Variants in DPP6 observed in about 807,000 individuals in gnomAD.
DPP6 encodes A-type potassium channel modulatory protein DPP6.
Under a neutral mutation model 122.6 loss-of-function variants are expected in DPP6, and 69 were observed. The ratio of observed to expected loss-of-function variants is 0.56; its 90% CI spans 0.46 to 0.69. The LOEUF (loss-of-function observed/expected upper bound fraction) is 0.69. DPP6 is among the 30% of genes least tolerant of loss of function. DPP6 has a pLI of 0.00. For synonymous variants in DPP6, 418 were observed against 433.1 expected (o/e 0.97, Z 0.43); for missense variants, 928 against 1,116.9 (o/e 0.83, Z 2.41).
intron 1 of DPP6, among the ~76,000 whole-genome samples, chr7:154,262,412 GA>G (rs1440734401): frequency 6.6e-6 from 1 of 152,156 alleles, no homozygotes; most frequent in Non-Finnish European, 1.5e-5. Flanking sequence ...GACCCACAGT[GA>G]GACACCAGGA....
chr7:154,440,504 C>T (rs1232619502), intron 1 of DPP6, among the ~76,000 whole-genome samples: 3 of 152,128 alleles, frequency 2.0e-5, no homozygotes, highest in Non-Finnish European at 4.4e-5. Flanking sequence ...GACTGGCTTG[C>T]GTTTCCACCT....
intron 1 of DPP6, chr7:154,094,160 C>T (rs1171874061): frequency 6.6e-6 from 1 of 152,140 alleles, no homozygotes; most frequent in Non-Finnish European, 1.5e-5. Context: ...GAGGAATGGG[C>T]CATTTGCTTC....
At chr7:154,684,293 T>C (rs897039464) in intron 7 of DPP6, among the ~76,000 whole-genome samples, 1 of 152,066 alleles carries the variant, frequency 6.6e-6, no homozygotes, top group Non-Finnish European at 1.5e-5. Flanking sequence ...CATCACTCTC[T>C]GCTTTTGTGA....
chr7:153,762,695 G>A, the DPP6 span, among the ~76,000 whole-genome samples: 6 of 152,150 alleles, frequency 3.9e-5, no homozygotes, highest in East Asian at 1.9e-4. Context: ...CAAGGGAATC[G>A]CTTGACCCCG....
chr7:154,240,103 C>A (rs926119681), intron 1 of DPP6, among the ~76,000 whole-genome samples: 1 of 143,774 alleles, frequency 7.0e-6, no homozygotes, highest in East Asian at 2.2e-4. Context: ...TTGCATTGTT[C>A]AAGAACTAAT....
chr7:153,802,462 C>T, the DPP6 span, among the ~76,000 whole-genome samples: 1 of 151,950 alleles, frequency 6.6e-6, no homozygotes, highest in Non-Finnish European at 1.5e-5. Flanking sequence ...GTCTGTATTC[C>T]AGAAATTTGA....
chr7:154,636,711 A>G (rs1835748061), intron 5 of DPP6, among the ~76,000 whole-genome samples: 1 of 152,144 alleles, frequency 6.6e-6, no homozygotes, highest in South Asian at 2.1e-4. Flanking sequence ...GATTTTCGAG[A>G]AGTTAATTCA....
chr7:154,248,163 C>T (rs1415589797), intron 1 of DPP6, among the ~76,000 whole-genome samples: 3 of 152,088 alleles, frequency 2.0e-5, no homozygotes, highest in Admixed American at 1.3e-4. Context: ...AAAGGCTCCC[C>T]CTCCTTGATC....
At chr7:154,032,307 G>A (rs949288238) in intron 1 of DPP6, among the ~76,000 whole-genome samples, 15 of 152,302 alleles carry the variant, frequency 9.8e-5, no homozygotes, top group African/African-American at 2.9e-4. Flanking sequence ...CTGAAGCACC[G>A]AGTGTTGCTG....
At chr7:154,394,626 G>A (rs899387739) in intron 1 of DPP6, among the ~76,000 whole-genome samples, 34 of 152,062 alleles carry the variant, frequency 2.2e-4, no homozygotes, top group African/African-American at 6.0e-4. Flanking sequence ...GGTTGCCTAT[G>A]CCTTTGGTGA....
At chr7:154,816,066 G>T (rs544339872) in intron 16 of DPP6, among the ~76,000 whole-genome samples, 10 of 152,254 alleles carry the variant, frequency 6.6e-5, no homozygotes, top group Non-Finnish European at 1.2e-4. Context: ...GTATGGAACC[G>T]TAGAGCTGGG....
intron 1 of DPP6, among the ~76,000 whole-genome samples, chr7:154,273,907 A>G (rs1387350856): frequency 6.6e-6 from 1 of 152,218 alleles, no homozygotes; most frequent in Non-Finnish European, 1.5e-5. Flanking sequence ...AGACAGGTGC[A>G]GAGTGTGAAA....
chr7:153,796,859 G>A, the DPP6 span, among the ~76,000 whole-genome samples: 6 of 152,236 alleles, frequency 3.9e-5, no homozygotes, highest in African/African-American at 1.4e-4. Flanking sequence ...CTCAACTTGA[G>A]TGTGGACTGG....
intron 1 of DPP6, among the ~76,000 whole-genome samples, chr7:154,386,944 G>GTT (rs33954712): frequency 6.6e-6 from 1 of 151,408 alleles, no homozygotes; most frequent in African/African-American, 2.4e-5. Context: ...TTGAGCATGG[G>GTT]TGGGCAGGTG....
chr7:154,547,523 C>T (rs1276828244), intron 4 of DPP6, among the ~76,000 whole-genome samples: 1 of 152,224 alleles, frequency 6.6e-6, no homozygotes, highest in African/African-American at 2.4e-5. Context: ...TGCAGTGACC[C>T]ACATTTGCTG....
intron 4 of DPP6, among the ~76,000 whole-genome samples, chr7:154,543,836 A>G (rs1828928091): frequency 6.6e-6 from 1 of 151,888 alleles, no homozygotes; most frequent in South Asian, 2.1e-4. Flanking sequence ...TCTACTAAAA[A>G]TTAAAAAGTT....
At chr7:153,790,939 C>T in the DPP6 span, among the ~76,000 whole-genome samples, 1 of 152,110 alleles carries the variant, frequency 6.6e-6, no homozygotes, top group Non-Finnish European at 1.5e-5. Flanking sequence ...TTCTACGGAG[C>T]AACTAGTCAT....
chr7:154,627,113 A>G (rs1331584395), intron 5 of DPP6, among the ~76,000 whole-genome samples: 1 of 136,434 alleles, frequency 7.3e-6, no homozygotes, highest in Non-Finnish European at 1.5e-5. Context: ...CCCAGGTTCA[A>G]GCTATTTTCC....
At chr7:153,789,382 A>G in the DPP6 span, among the ~76,000 whole-genome samples, 9 of 152,300 alleles carry the variant, frequency 5.9e-5, no homozygotes, top group Admixed American at 1.3e-4. Context: ...TCTATCTACA[A>G]TATGACAGAT....
Sources: gnomAD v4.1 joint callset for allele counts (sites outside exome capture counted in the v4.1 genomes callset) on GRCh38, gnomAD v4.1.1 for gene constraint, MANE v1.5 for transcripts, NCBI Gene and HGNC (gene_info 2026-07-23, HGNC 2026-07-21) for gene names.